The following ECPAS variants were observed in gnomAD, a reference collection of about 807,000 sequenced individuals.
ECPAS encodes the protein proteasome adapter and scaffold protein ECM29.
ECPAS carries 70 observed loss-of-function variants against 255.1 expected under a neutral mutation model. That is an observed-to-expected ratio of 0.27 (90% CI 0.23 to 0.33). ECPAS has a LOEUF of 0.33. ECPAS is among the 10% of genes least tolerant of loss of function. The probability of loss-of-function intolerance (pLI) is 1.00; values close to 1 mark genes in which losing one functional copy is unlikely to be tolerated. For missense variants in ECPAS, 1,817 were observed against 2,206.4 expected (o/e 0.82, Z 3.54); for synonymous variants, 784 against 775.0 (o/e 1.01, Z -0.19).
intron 6 of ECPAS, 46 bp downstream of exon 6, chr9:111,440,326 T>C (rs778656815): frequency 6.6e-7 from 1 of 1,523,962 alleles, no homozygotes; most frequent in East Asian, 2.3e-5. Flanking sequence ...TAACTCCCCG[T>C]AGTAAAAGCA....
chr9:111,414,989 T>C (rs948846744), intron 18 of ECPAS, among the ~76,000 whole-genome samples: 2 of 152,106 alleles, frequency 1.3e-5, no homozygotes, highest in African/African-American at 4.8e-5. Flanking sequence ...TGATAAGAAC[T>C]TCTGAACGCA....
intron 48 of ECPAS, among the ~76,000 whole-genome samples, chr9:111,364,249 G>A (rs914851374): frequency 2.0e-5 from 3 of 152,144 alleles, no homozygotes; most frequent in African/African-American, 2.4e-5. Context: ...CCAAAGCAGG[G>A]TAGGCATGAG....
At chr9:111,423,125 G>A (rs760637551) in intron 13 of ECPAS, 74 bp downstream of exon 13, 64 of 980,032 alleles carry the variant, frequency 6.5e-5, no homozygotes, top group Admixed American at 4.4e-4. Flanking sequence ...TTTATTCTCC[G>A]CCATTATTAA....
At chr9:111,397,525 C>T (rs2098169469) in intron 24 of ECPAS, among the ~76,000 whole-genome samples, 1 of 152,140 alleles carries the variant, frequency 6.6e-6, no homozygotes, top group South Asian at 2.1e-4. Flanking sequence ...CCTATAAACC[C>T]TTATTTAAAC....
rs2098291035 is a variant in ECPAS, at chr9:111,472,988, T to C, written c.-70A>G. 5 of 1,133,044 alleles carry C rather than the reference T, an allele frequency of 4.4e-6. No homozygotes were observed. The highest frequency in any genetic ancestry group is 1.7e-5 in the African/African-American group (1 of 59,758). The allele number at this position is 1,133,044 out of a possible 1,614,324, so 70.2% of individuals were successfully genotyped here. A position where few individuals can be genotyped will look rare whatever the true frequency, so the allele number is the denominator to read the frequency against. ...CGTTCATCCACTCGTACATATGCAA[T>C]TGTATAAAGAATCTATTATTTAGAA... On this transcript the variant is annotated 5_prime_UTR_variant, in exon 2 of 50. Transcript: ENST00000684092.
chr9:111,469,579 G>A (rs1027373165), intron 2 of ECPAS, among the ~76,000 whole-genome samples: 15 of 152,104 alleles, frequency 9.9e-5, no homozygotes, highest in Admixed American at 4.6e-4. Context: ...GGGAGGCCGA[G>A]GTGGATGGAT....
chr9:111,471,266 T>C (rs918113573), intron 2 of ECPAS, among the ~76,000 whole-genome samples: 2 of 152,176 alleles, frequency 1.3e-5, no homozygotes, highest in East Asian at 3.8e-4. Context: ...GAAGAAACAA[T>C]GTCCTCACTG....
rs754812812 is a variant in ECPAS at position 111,386,454 on chromosome 9, C to T, written c.3450G>A (p.Val1150=). The change falls in exon 32 of 50, where the codon GTG becomes GTA. Residue 1150 remains valine (V), a splice_region_variant and synonymous_variant. Coordinates refer to ENST00000684092, the MANE Select transcript of ECPAS (RefSeq NM_001364929.1). ...WNALVTDKSM[V]DKYLKEILQD... ...GAAGAATTTCTTTCAAATATTTATCCACCTAATGAAAGCAAAAGGATAAAA... is the reference window on the plus strand; with the variant it reads ...GAAGAATTTCTTTCAAATATTTATCTACCTAATGAAAGCAAAAGGATAAAA... 1 of 1,554,620 alleles carries T rather than the reference C, an allele frequency of 6.4e-7. No individual in the cohort carries two copies. Among genetic ancestry groups the T allele is most frequent in the Non-Finnish European group, 8.8e-7 (1 of 1,132,122 alleles).
At position 111,363,661 on chromosome 9, in the gene ECPAS, TA is replaced by T; in HGVS notation, c.5309-3del. 1 of 1,403,356 alleles carries T rather than the reference TA, an allele frequency of 7.1e-7. No individual in the cohort carries two copies. Among genetic ancestry groups the T allele is most frequent in the Non-Finnish European group, 9.8e-7 (1 of 1,017,298 alleles). The allele number at this position is 1,403,356 out of a possible 1,614,324, so 86.9% of individuals were successfully genotyped here. A position where few individuals can be genotyped will look rare whatever the true frequency, so the allele number is the denominator to read the frequency against. On this transcript the variant is annotated splice_region_variant and splice_polypyrimidine_tract_variant and intron_variant, in intron 48 of 49. Coordinates refer to ENST00000684092, the MANE Select transcript of ECPAS (RefSeq NM_001364929.1). ...TCACAGATGAGTAGGTCTTATTTTC[TA>T]AAAAGAAATATCATACAGTTCATAT...
At chr9:111,431,913 T>C (rs2098230659) in intron 8 of ECPAS, among the ~76,000 whole-genome samples, 1 of 152,232 alleles carries the variant, frequency 6.6e-6, no homozygotes, top group African/African-American at 2.4e-5. Context: ...TACTAACTAA[T>C]CCTCAAGCTC....
chr9:111,415,980 T>C (rs188623233), intron 18 of ECPAS, among the ~76,000 whole-genome samples: 45 of 152,284 alleles, frequency 3.0e-4, no homozygotes, highest in African/African-American at 1.1e-3. Flanking sequence ...CAGGTTGGCT[T>C]TAAAACCCAA....
chr9:111,388,511 G>A (rs1422657206), intron 31 of ECPAS, among the ~76,000 whole-genome samples: 1 of 151,430 alleles, frequency 6.6e-6, no homozygotes, highest in Non-Finnish European at 1.5e-5. Flanking sequence ...CACATTACGG[G>A]CAGGGACTTG....
intron 14 of ECPAS, 33 bp from the exon 15 acceptor site, chr9:111,422,076 T>C: frequency 6.2e-7 from 1 of 1,613,642 alleles, no homozygotes; most frequent in South Asian, 1.1e-5. Context: ...TCCCTCCTTG[T>C]TGGGTTCCCA....
At chr9:111,454,595 T>C (rs1181981464) in intron 2 of ECPAS, among the ~76,000 whole-genome samples, 3 of 152,168 alleles carry the variant, frequency 2.0e-5, no homozygotes, top group Non-Finnish European at 2.9e-5. Context: ...TCTAACACTG[T>C]TACGTCATCT....
rs760669773 is a variant in ECPAS at position 111,410,982 on chromosome 9, A to G, written c.2375T>C (p.Ile792Thr). The change falls in exon 22 of 50, where the codon ATA becomes ACA. Residue 792 changes from isoleucine to threonine, a missense_variant and splice_region_variant. By Grantham distance (89) the Ile-to-Thr change is moderately conservative. This residue lies in a region of ECPAS where 194 missense variants were observed against 152.8 expected (regional missense o/e 1.27). Coordinates refer to ENST00000684092, the MANE Select transcript of ECPAS (RefSeq NM_001364929.1). ...EELIQSATET[I>T]GSFLDSTSPL... is the part of the protein sequence containing the mutation. ...ATCGACATAAAGACATTAATTACCT[A>G]TTGTTTCTGTAGCACTCTGAATGAG... 15 of 1,612,288 alleles carry G rather than the reference A, an allele frequency of 9.3e-6. No homozygotes were observed. The highest frequency in any genetic ancestry group is 5.5e-5 in the South Asian group (5 of 90,906).
chr9:111,434,585 C>CTTTT (rs34507397), intron 7 of ECPAS, among the ~76,000 whole-genome samples: 5 of 109,266 alleles, frequency 4.6e-5, no homozygotes, highest in Non-Finnish European at 7.5e-5. Context: ...TTCCAGTTAA[C>CTTTT]TTTTTTTTTT....
chr9:111,397,327 G>A (rs2131638220), intron 24 of ECPAS, among the ~76,000 whole-genome samples, 174 bp from the exon 25 acceptor site: 1 of 152,370 alleles, frequency 6.6e-6, no homozygotes, highest in Non-Finnish European at 1.5e-5. Flanking sequence ...TGAGGGAGTG[G>A]AGGATATAAG....
At chr9:111,379,996 TCCTCC>T (rs2098138529) in intron 35 of ECPAS, among the ~76,000 whole-genome samples, 1 of 152,208 alleles carries the variant, frequency 6.6e-6, no homozygotes, top group Admixed American at 6.5e-5. Context: ...CATTTTGACC[TCCTCC>T]CATGAATCAT....
intron 32 of ECPAS, 44 bp downstream of exon 32, chr9:111,386,333 A>G: frequency 8.0e-7 from 1 of 1,245,962 alleles, no homozygotes; most frequent in Non-Finnish European, 1.2e-6. Flanking sequence ...AAGGGAAAAA[A>G]ATTCAGTTTT....
Sources: gnomAD v4.1 joint callset for allele counts (sites outside exome capture counted in the v4.1 genomes callset) on GRCh38, gnomAD v4.1.1 for gene constraint, gnomAD v4.1.1 regional missense constraint, MANE v1.5 for transcripts, NCBI Gene and HGNC (gene_info 2026-07-23, HGNC 2026-07-21) for gene names.